The following SELENOM variants were observed in gnomAD, a reference collection of about 807,000 sequenced individuals.
The protein encoded by SELENOM is selenoprotein M.
A neutral mutation model predicts 14.5 loss-of-function variants in SELENOM; 17 were observed. The observed-to-expected ratio is 1.17, with a 90% CI of 0.80 to 1.76. SELENOM has a LOEUF of 1.76. Among genes scored for constraint, SELENOM ranks in the 40% most tolerant of loss-of-function variants. SELENOM has a pLI of 0.00. For missense variants in SELENOM, 230 were observed against 204.6 expected (o/e 1.12, Z -0.76); for synonymous variants, 102 against 93.3 (o/e 1.09, Z -0.54).
At chr22:31,105,868 G>C in intron 2 of SELENOM, 62 bp downstream of exon 2, 4 of 1,551,758 alleles carry the variant, frequency 2.6e-6, no homozygotes, top group Non-Finnish European at 3.6e-6. Context: ...TTGGGACCAT[G>C]TTGCCCACTC....
In SELENOM at chr22:31,105,639, C is replaced by A; in HGVS notation, c.200+19G>T. 1 of 1,613,426 alleles carries A rather than the reference C, an allele frequency of 6.2e-7. No individual in the cohort carries two copies. Among genetic ancestry groups the A allele is most frequent in the Non-Finnish European group, 8.5e-7 (1 of 1,179,392 alleles). ...CCAGGTGCCCATCCCATTTCCCCTC[C>A]CCCAGAACAGAAGGATACTAGAATG... On this transcript the variant is annotated intron_variant, in intron 3 of 4. Coordinates refer to ENST00000400299, the MANE Select transcript of SELENOM (RefSeq NM_080430.4).
intron 1 of SELENOM, 122 bp downstream of exon 1, chr22:31,107,255 G>A: frequency 7.9e-7 from 1 of 1,259,512 alleles, no homozygotes; most frequent in Non-Finnish European, 1.1e-6. Flanking sequence ...TGGTCCCGGC[G>A]CCAGGGGGAA....
chr22:31,107,158 A>C, intron 1 of SELENOM: 1 of 550,278 alleles, frequency 1.8e-6, no homozygotes, highest in Non-Finnish European at 3.1e-6. Context: ...GAGCTGGGGA[A>C]GGGTTCGGAG....
Position 31,106,098 on chromosome 22 carries a change from T to C in SELENOM, c.130-133A>G, listed in dbSNP as rs1175639456. The stretch of plus-strand genomic sequence containing the variant: ...CCCCGGATCAGCAGTTCCCAAGGTC[T>C]GAAGGAAATGCTGGACCCTTGTGGG... On this transcript the variant is annotated intron_variant, in intron 1 of 4. Coordinates refer to ENST00000400299, the MANE Select transcript of SELENOM (RefSeq NM_080430.4). The C allele has an allele frequency of 5.0e-6, 4 of 793,818 alleles. No individual in the cohort carries two copies. In the East Asian group the frequency reaches 1.0e-4, roughly 20 times the overall value. 49.2% of individuals were successfully genotyped at this position (793,818 alleles called of 1,614,324 possible).
Position 31,105,054 on chromosome 22 carries a change from C to T in SELENOM, c.354G>A (p.Ala118=), listed in dbSNP as rs779735593. The T allele has an allele frequency of 1.1e-5, 18 of 1,612,018 alleles. No homozygotes were observed. The South Asian group carries it at 1.8e-4, about 16-fold the overall frequency. ...CGGGGGGCACCTGCGCGTCGGGCGC[C>T]GCCTTGCGGTAGAAGCCGAGCTCCT... The part of the protein sequence containing the change: ...LVQELGFYRK[A]APDAQVPPEY... Residue 118 remains alanine (A), a synonymous_variant, in exon 5 of 5, where the codon GCG becomes GCA. Transcript: ENST00000400299.
chr22:31,105,821 C>T, intron 2 of SELENOM, 109 bp downstream of exon 2: 1 of 1,460,434 alleles, frequency 6.8e-7, no homozygotes, highest in East Asian at 2.3e-5. Context: ...GCTAGACTCT[C>T]AGCCTAGGGA....
Position 31,105,267 on chromosome 22 carries a change from G to T in SELENOM, c.220C>A (p.His74Asn). Residue 74 changes from histidine (H) to asparagine (N), a missense_variant, in exon 4 of 5, where the codon CAC (histidine) becomes AAC (asparagine). Coordinates refer to ENST00000400299, the MANE Select transcript of SELENOM (RefSeq NM_080430.4). ...AGCTCAGGGTCGGCCCCAGGGAGGT[G>T]TTTCATCACCAGGTTGTGACTGGAG... ...IPFYHNLVMKHLPGADPELVL... is the reference protein window; with the variant it reads ...IPFYHNLVMKNLPGADPELVL... The T allele has an allele frequency of 1.2e-6, 2 of 1,612,314 alleles. No individual in the cohort carries two copies. Among genetic ancestry groups the T allele is most frequent in the Non-Finnish European group, 1.7e-6 (2 of 1,179,366 alleles).
In SELENOM at chr22:31,107,379, C is replaced by G. The variant is rs768626076; in HGVS notation, c.127G>C (p.Glu43Gln). 1 of 1,595,008 alleles carries G rather than the reference C, an allele frequency of 6.3e-7. No homozygotes were observed. The highest frequency in any genetic ancestry group is 1.1e-5 in the South Asian group (1 of 88,244). Residue 43 changes from glutamate to glutamine, a missense_variant and splice_region_variant, in exon 1 of 5, where the codon GAG becomes CAG. Glu to Gln is a conservative substitution (Grantham distance 29). Coordinates refer to ENST00000400299, the MANE Select transcript of SELENOM (RefSeq NM_080430.4). ...GGGCTGGAGGCCGGCGTACTCACCTCTACCCGGGCGCGGGTTAGGCCGCTC... is the reference window on the plus strand; with the variant it reads ...GGGCTGGAGGCCGGCGTACTCACCTGTACCCGGGCGCGGGTTAGGCCGCTC... The part of the protein sequence containing the change: ...RLSGLTRARV[E>Q]TCGGUQLNRL...
At chr22:31,106,079 A>G (rs1293708114) in intron 1 of SELENOM, 114 bp from the exon 2 acceptor site, 3 of 925,148 alleles carry the variant, frequency 3.2e-6, no homozygotes, top group Non-Finnish European at 3.6e-6. Flanking sequence ...TTATCCCCGG[A>G]TCAGCAGTTC....
chr22:31,105,020 A>G lies in SELENOM; in HGVS notation c.388T>C (p.Trp130Arg). The G allele has an allele frequency of 6.2e-7, 1 of 1,607,834 alleles. No individual in the cohort carries two copies. Among genetic ancestry groups the G allele is most frequent in the Non-Finnish European group, 8.5e-7 (1 of 1,178,304 alleles). The change falls in exon 5 of 5, where the codon TGG (tryptophan) becomes CGG (arginine). Residue 130 changes from tryptophan to arginine, a missense_variant. Trp to Arg is a moderately radical substitution (Grantham distance 101). Coordinates refer to ENST00000400299, the MANE Select transcript of SELENOM (RefSeq NM_080430.4). ...PDAQVPPEYVWAPAKPPEETS... is the reference protein window; with the variant it reads ...PDAQVPPEYVRAPAKPPEETS... ...TCCTCTGGGGGCTTCGCGGGCGCCC[A>G]CACGTACTCGGGGGGCACCTGCGCG...
Position 31,105,036 on chromosome 22 carries a change from C to T in SELENOM, c.372G>A (p.Val124=), listed in dbSNP as rs1390069817. The T allele has an allele frequency of 6.2e-7, 1 of 1,611,518 alleles. No homozygotes were observed. The highest frequency in any genetic ancestry group is 2.2e-5 in the East Asian group (1 of 44,868). The change falls in exon 5 of 5, where the codon GTG becomes GTA. Residue 124 remains valine, a synonymous_variant. Transcript: ENST00000400299. ...FYRKAAPDAQ[V]PPEYVWAPAK... ...CGGGCGCCCACACGTACTCGGGGGGCACCTGCGCGTCGGGCGCCGCCTTGC... is the reference window on the plus strand; with the variant it reads ...CGGGCGCCCACACGTACTCGGGGGGTACCTGCGCGTCGGGCGCCGCCTTGC...
rs977769799 is a variant in SELENOM at position 31,104,869 on chromosome 22, G to A, written c.*101C>T. ...CCCATCCCTGCTGGCCCGGGGACGG[G>A]CATCGGCTCTCAGCAAGAGAAGTAT... On this transcript the variant is annotated 3_prime_UTR_variant, in exon 5 of 5. Transcript: ENST00000400299. The A allele has an allele frequency of 9.4e-5, 124 of 1,322,866 alleles. No homozygotes were observed. The Middle Eastern group carries it at 1.8e-3, about 19-fold the overall frequency. The allele number at this position is 1,322,866 out of a possible 1,614,324, so 81.9% of individuals were successfully genotyped here.
At position 31,105,127 on chromosome 22, in the gene SELENOM, C is replaced by A. The variant is rs781635148; in HGVS notation, c.281G>T (p.Arg94Leu). The A allele has an allele frequency of 8.1e-6, 13 of 1,613,262 alleles. No individual in the cohort carries two copies. The East Asian group carries it at 2.5e-4, about 30-fold the overall frequency. The change falls in exon 5 of 5, where the codon CGC (arginine) becomes CTC (leucine). Residue 94 changes from arginine to leucine, a missense_variant and splice_region_variant. Physicochemically the swap from Arg to Leu is moderately radical, Grantham distance 102. Transcript: ENST00000400299. ...LLGRRYEELE[R>L]IPLSEMTREE... is the part of the protein sequence containing the mutation. The stretch of plus-strand genomic sequence containing the variant: ...GCGGGTCATTTCACTGAGTGGGATG[C>A]GCTGAGGCGGAGGAGGGGCGGGGTC...
At position 31,104,934 on chromosome 22, in the gene SELENOM, A is replaced by G; in HGVS notation, c.*36T>C. The stretch of plus-strand genomic sequence containing the variant: ...GCGCTTCATTCTGTCTCCAGGACTC[A>G]GGCAGGTAGGTCCCAGCTCCGCCGC... On this transcript the variant is annotated 3_prime_UTR_variant, in exon 5 of 5. Transcript: ENST00000400299. 1.3e-6 allele frequency: 2 copies of G among 1,523,016 alleles called. No individual in the cohort carries two copies. The highest frequency in any genetic ancestry group is 1.8e-6 in the Non-Finnish European group (2 of 1,138,940). 94.3% of individuals were successfully genotyped at this position (1,523,016 alleles called of 1,614,324 possible).
In SELENOM at chr22:31,104,898, C is replaced by G. The variant is rs1159281933; in HGVS notation, c.*72G>C. 1.3e-5 allele frequency: 18 copies of G among 1,438,336 alleles called. 1 individual carries two copies. In the East Asian group the frequency reaches 4.4e-4, roughly 35 times the overall value. The allele number at this position is 1,438,336 out of a possible 1,614,324, so 89.1% of individuals were successfully genotyped here. The stretch of plus-strand genomic sequence containing the variant: ...CGGCTCTCAGCAAGAGAAGTATTCC[C>G]GGGATGCTGAGCGCTTCATTCTGTC... On this transcript the variant is annotated 3_prime_UTR_variant, in exon 5 of 5. Coordinates refer to ENST00000400299, the MANE Select transcript of SELENOM (RefSeq NM_080430.4).
At position 31,105,138 on chromosome 22, in the gene SELENOM, A is replaced by T; in HGVS notation, c.280-10T>A. ...CACTGAGTGGGATGCGCTGAGGCGG[A>T]GGAGGGGCGGGGTCAGCAGGCTGGG... is the stretch of plus-strand genomic sequence containing the variant. On this transcript the variant is annotated splice_polypyrimidine_tract_variant and intron_variant, in intron 4 of 4. Coordinates refer to ENST00000400299, the MANE Select transcript of SELENOM (RefSeq NM_080430.4). 2 of 1,613,458 alleles carry T rather than the reference A, an allele frequency of 1.2e-6. No homozygotes were observed. The highest frequency in any genetic ancestry group is 1.7e-6 in the Non-Finnish European group (2 of 1,179,770).
chr22:31,105,805 G>A (rs2044397570), intron 2 of SELENOM, 113 bp from the exon 3 acceptor site: 1 of 1,468,550 alleles, frequency 6.8e-7, no homozygotes, highest in Non-Finnish European at 9.5e-7. Context: ...TAGACTCTCA[G>A]CCTAGGCTAG....
chr22:31,107,424 G>A lies in SELENOM; in HGVS notation c.82C>T (p.Arg28Trp), dbSNP rs2044415925. 1 of 1,587,540 alleles carries A rather than the reference G, an allele frequency of 6.3e-7. No homozygotes were observed. The change falls in exon 1 of 5, where the codon CGG becomes TGG. Residue 28 changes from arginine (R) to tryptophan (W), a missense_variant. Coordinates refer to ENST00000400299, the MANE Select transcript of SELENOM (RefSeq NM_080430.4). ...VAPATAATAYRPDWNRLSGLT... is the reference protein window; with the variant it reads ...VAPATAATAYWPDWNRLSGLT... ...CCGCTCAGACGGTTCCAGTCCGGCC[G>A]GTAGGCAGTGGCGGCTGTGGCTGGG...
Position 31,104,819 on chromosome 22 carries a change from G to C in SELENOM, c.*151C>G. The stretch of plus-strand genomic sequence containing the variant: ...TTAGTGGAGCTGGGGAAGGAAGAAA[G>C]TGGGGTTGGGAGAACCTCCCCAACC... On this transcript the variant is annotated 3_prime_UTR_variant, in exon 5 of 5. Transcript: ENST00000400299. The C allele has an allele frequency of 1.8e-6, 1 of 571,094 alleles. No homozygotes were observed. The highest frequency in any genetic ancestry group is 2.3e-5 in the South Asian group (1 of 44,156). 35.4% of individuals were successfully genotyped at this position (571,094 alleles called of 1,614,324 possible).
Sources: allele counts gnomAD v4.1 joint callset, GRCh38; gene constraint gnomAD v4.1.1; transcripts MANE v1.5; gene names NCBI Gene and HGNC (gene_info 2026-07-23, HGNC 2026-07-21).